Variants in MED27 observed in about 807,000 individuals in gnomAD.
MED27 encodes the protein mediator of RNA polymerase II transcription subunit 27.
A neutral mutation model predicts 38.2 loss-of-function variants in MED27; 30 were observed. The ratio of observed to expected loss-of-function variants is 0.79; its 90% CI spans 0.59 to 1.07. The LOEUF is 1.07. MED27 is among the 50% of genes least tolerant of loss of function. The pLI is 0.00. For missense variants in MED27, 289 were observed against 397.5 expected (o/e 0.73, Z 2.32); for synonymous variants, 122 against 153.5 (o/e 0.79, Z 1.52).
intron 3 of MED27, among the ~76,000 whole-genome samples, chr9:131,953,221 G>A (rs1419947373): frequency 6.6e-6 from 1 of 152,184 alleles, no homozygotes; most frequent in Non-Finnish European, 1.5e-5. Context: ...TGAGAAACAG[G>A]TACCCCAGTC....
chr9:131,901,575 C>T (rs537173438), intron 4 of MED27, among the ~76,000 whole-genome samples: 5 of 152,312 alleles, frequency 3.3e-5, no homozygotes, highest in African/African-American at 1.2e-4. Context: ...CTGTCTGGCA[C>T]AACCAGAAAA....
chr9:131,980,094 G>A (rs1479016486), intron 3 of MED27, among the ~76,000 whole-genome samples: 1 of 151,136 alleles, frequency 6.6e-6, no homozygotes, highest in Non-Finnish European at 1.5e-5. Flanking sequence ...ATGGGGGAAG[G>A]TAATATATGT....
At chr9:132,022,245 G>A (rs745744066) in intron 2 of MED27, among the ~76,000 whole-genome samples, 2 of 152,162 alleles carry the variant, frequency 1.3e-5, no homozygotes, top group Non-Finnish European at 2.9e-5. Flanking sequence ...CTTGTCACCA[G>A]CTAAGGTTGA....
At chr9:131,978,190 T>TGAAGTCAGCAAAATCCAGACTATG (rs1345134197) in intron 3 of MED27, among the ~76,000 whole-genome samples, 1 of 152,062 alleles carries the variant, frequency 6.6e-6, no homozygotes, top group Non-Finnish European at 1.5e-5. Flanking sequence ...ACCAAGGAGA[T>TGAAGTCAGCAAAATCCAGACTATG]GAAGTCAGCA....
At chr9:131,930,906 TTTTG>T (rs1310263367) in intron 4 of MED27, among the ~76,000 whole-genome samples, 5 of 152,152 alleles carry the variant, frequency 3.3e-5, no homozygotes, top group Non-Finnish European at 2.9e-5. Context: ...TTTGCCTTTT[TTTTG>T]TTTGTTTGTT....
rs531808499 is a variant in MED27, at chr9:132,042,188, G to T, written c.349-27721C>A. Among the ~76,000 whole-genome samples, 78 of 152,296 alleles carry T rather than the reference G, an allele frequency of 5.1e-4. No individual in the cohort carries two copies. The South Asian group carries it at 6.2e-3, about 12-fold the overall frequency. ...CTCAGTTTCTTCCTCTACAAATGAA[G>T]AGGCTGGCTTAAGGATGACAAAGAT... On this transcript the variant is annotated intron_variant, in intron 2 of 7. Coordinates refer to ENST00000292035, the MANE Select transcript of MED27 (RefSeq NM_004269.4).
intron 2 of MED27, among the ~76,000 whole-genome samples, chr9:132,023,194 TTC>T (rs1216059885): frequency 6.6e-6 from 1 of 151,734 alleles, no homozygotes. Context: ...CCCTGAATAT[TTC>T]TCTTTTTCCC....
rs1299803097 is a variant in MED27 at position 131,878,283 on chromosome 9, A to AAATG, written c.723+5774_723+5775insCATT. Reference sequence around the variant, plus strand: ...GCGAGACTCCATTACAAAAATAAATAAATAAATAAATAAATAAATAAATAA... The same window carrying AAATG: ...GCGAGACTCCATTACAAAAATAAATAAATGAATAAATAAATAAATAAATAAATAA... On this transcript the variant is annotated intron_variant, in intron 6 of 7. Transcript: ENST00000292035. Among the ~76,000 whole-genome samples, 623 of 146,178 alleles carry AAATG rather than the reference A, an allele frequency of 4.3e-3. 8 individuals carry two copies. The highest frequency in any genetic ancestry group is 0.015 in the African/African-American group (594 of 39,902).
intron 3 of MED27, among the ~76,000 whole-genome samples, chr9:132,010,405 G>A (rs1564323371): frequency 6.6e-6 from 1 of 152,204 alleles, no homozygotes; most frequent in Non-Finnish European, 1.5e-5. Flanking sequence ...AGGATGTGGA[G>A]AAATAGGAAC....
chr9:132,024,593 T>C (rs1358368304), intron 2 of MED27, among the ~76,000 whole-genome samples: 1 of 152,226 alleles, frequency 6.6e-6, no homozygotes, highest in African/African-American at 2.4e-5. Context: ...AGGAAAAATG[T>C]ACCCACTAGG....
chr9:131,894,839 T>C (rs575389088), intron 4 of MED27, among the ~76,000 whole-genome samples: 1 of 152,142 alleles, frequency 6.6e-6, no homozygotes, highest in Non-Finnish European at 1.5e-5. Flanking sequence ...TGGGGGGTGT[T>C]TGGGTCAAGG....
chr9:131,877,091 C>T (rs533507522), intron 6 of MED27, among the ~76,000 whole-genome samples: 14 of 152,300 alleles, frequency 9.2e-5, no homozygotes, highest in Admixed American at 6.5e-4. Flanking sequence ...TGTGGAGTCC[C>T]TCTGAGTGTG....
chr9:131,992,569 T>TA (rs1327188516), intron 3 of MED27, among the ~76,000 whole-genome samples: 1 of 152,106 alleles, frequency 6.6e-6, no homozygotes, highest in Non-Finnish European at 1.5e-5. Flanking sequence ...TGCTATTTTT[T>TA]AAAAAAATTT....
At position 131,970,984 on chromosome 9, in the gene MED27, A is replaced by G. The variant is rs117557943; in HGVS notation, c.480-31510T>C. 4.6e-3 allele frequency among the ~76,000 whole-genome samples: 697 copies of G among 152,386 alleles called. 1 individual carries two copies. The highest frequency in any genetic ancestry group is 8.0e-3 in the Non-Finnish European group (546 of 68,038). Reference sequence around the variant, plus strand: ...TACATGTGATAATGGCATTGTGATTATAACAGTGAATGTCCTTATTTTGCA... The same window carrying G: ...TACATGTGATAATGGCATTGTGATTGTAACAGTGAATGTCCTTATTTTGCA... On this transcript the variant is annotated intron_variant, in intron 3 of 7. Transcript: ENST00000292035.
intron 2 of MED27, among the ~76,000 whole-genome samples, chr9:132,018,781 A>T (rs909391697): frequency 2.0e-5 from 3 of 152,178 alleles, no homozygotes; most frequent in Non-Finnish European, 4.4e-5. Context: ...AAAACTTATA[A>T]GCCAGATCAA....
At chr9:131,885,571 G>A (rs1375614222) in intron 5 of MED27, among the ~76,000 whole-genome samples, 4 of 152,182 alleles carry the variant, frequency 2.6e-5, no homozygotes, top group Non-Finnish European at 5.9e-5. Context: ...GAGTTGGCAT[G>A]TGGGTAGGGC....
intron 3 of MED27, among the ~76,000 whole-genome samples, chr9:131,943,796 G>A (rs979079845): frequency 1.3e-5 from 2 of 152,190 alleles, no homozygotes; most frequent in African/African-American, 2.4e-5. Context: ...TTTCGAAAAT[G>A]GAGAGCTGCT....
chr9:132,063,023 G>A (rs1199057795), intron 2 of MED27, among the ~76,000 whole-genome samples: 1 of 152,208 alleles, frequency 6.6e-6, no homozygotes, highest in Non-Finnish European at 1.5e-5. Flanking sequence ...AGGGCTCAGT[G>A]AGGAAGCTGT....
At chr9:132,062,482 A>G (rs1833717433) in intron 2 of MED27, among the ~76,000 whole-genome samples, 1 of 152,256 alleles carries the variant, frequency 6.6e-6, no homozygotes, top group African/African-American at 2.4e-5. Context: ...AGCAAGGGCC[A>G]GCAGGTTGAG....
Sources: allele counts gnomAD v4.1 joint callset (sites outside exome capture counted in the v4.1 genomes callset), GRCh38; gene constraint gnomAD v4.1.1; transcripts MANE v1.5; gene names NCBI Gene and HGNC (gene_info 2026-07-23, HGNC 2026-07-21).